KLF15: variants seen among roughly 807,000 people sequenced by gnomAD.
The protein encoded by KLF15 is KLF transcription factor 15.
A neutral mutation model predicts 24.6 loss-of-function variants in KLF15; 4 were observed. That is an observed-to-expected ratio of 0.16 (90% CI 0.08 to 0.37). The LOEUF is 0.37. Ranked by LOEUF, KLF15 falls within the 10% of genes least tolerant of loss-of-function variation. KLF15 has a pLI of 1.00. For missense variants in KLF15, 496 were observed against 560.6 expected (o/e 0.88, Z 1.16); for synonymous variants, 246 against 236.3 (o/e 1.04, Z -0.37).
the KLF15 span, among the ~76,000 whole-genome samples, chr3:126,327,478 A>G: frequency 3.3e-5 from 5 of 152,140 alleles, no homozygotes; most frequent in Non-Finnish European, 4.4e-5. Context: ...TAGTCTAGGC[A>G]AGAGATCATG....
At position 126,352,040 on chromosome 3, in the gene KLF15, G is replaced by T. The variant is rs749757320; in HGVS notation, c.883C>A (p.Pro295Thr). 21 of 1,531,198 alleles carry T rather than the reference G, an allele frequency of 1.4e-5. No individual in the cohort carries two copies. In the South Asian group the frequency reaches 2.5e-4, roughly 18 times the overall value. 94.9% of individuals were successfully genotyped at this position (1,531,198 alleles called of 1,614,324 possible). ...PIAAKPVGSGPLGPGPAGLLM... is the reference protein window; with the variant it reads ...PIAAKPVGSGTLGPGPAGLLM... ...AGACCGGCAGGGCCAGGCCCCAGGG[G>T]TCCCGATCCAACAGGCTTGGCGGCA... The change falls in exon 2 of 3, where the codon CCC becomes ACC. Residue 295 changes from proline (P) to threonine (T), a missense_variant. Physicochemically the swap from Pro to Thr is conservative, Grantham distance 38. Transcript: ENST00000296233.
At chr3:126,324,780 T>C in the KLF15 span, among the ~76,000 whole-genome samples, 6 of 139,394 alleles carry the variant, frequency 4.3e-5, no homozygotes, top group African/African-American at 1.6e-4. Context: ...TTGATCTTTT[T>C]GCTTTTAATT....
At chr3:126,349,793 C>T (rs550923524) in intron 2 of KLF15, among the ~76,000 whole-genome samples, 29 of 152,296 alleles carry the variant, frequency 1.9e-4, no homozygotes, top group South Asian at 1.7e-3. Flanking sequence ...GGGAGGTTTC[C>T]CTGCCTCTCT....
intron 2 of KLF15, among the ~76,000 whole-genome samples, chr3:126,350,563 C>T (rs1031261509): frequency 6.6e-6 from 1 of 152,250 alleles, no homozygotes; most frequent in African/African-American, 2.4e-5. Flanking sequence ...TGGCCAGAAC[C>T]TCTGCCCCAG....
At chr3:126,315,077 A>G in the KLF15 span, among the ~76,000 whole-genome samples, 2 of 151,642 alleles carry the variant, frequency 1.3e-5, no homozygotes, top group African/African-American at 4.8e-5. Flanking sequence ...TTTGCTGCCA[A>G]TCTTTGGAGT....
the KLF15 span, among the ~76,000 whole-genome samples, chr3:126,303,703 A>C: frequency 0.42 from 63,807 of 150,792 alleles, 13,719 homozygotes; most frequent in African/African-American, 0.47. Flanking sequence ...TTTTTTGGCC[A>C]TTGTTTCTTT....
chr3:126,296,583 G>A, the KLF15 span, among the ~76,000 whole-genome samples: 2 of 152,256 alleles, frequency 1.3e-5, no homozygotes, highest in African/African-American at 4.8e-5. Context: ...GAGGCCTGCA[G>A]CCTAGGGATT....
the KLF15 span, among the ~76,000 whole-genome samples, chr3:126,310,989 G>C: frequency 4.6e-5 from 7 of 152,108 alleles, no homozygotes; most frequent in African/African-American, 1.4e-4. Flanking sequence ...GCCCACTCTG[G>C]AGGCTGGTTT....
rs546577185 is a variant in KLF15, at chr3:126,350,931, G to A, written c.1082+910C>T. ...GCCAACAGCACACAGCGCCCCCCAG[G>A]CAGGCCAGAGATTCCTTTGGGATGG... On this transcript the variant is annotated intron_variant, in intron 2 of 2. Transcript: ENST00000296233. Among the ~76,000 whole-genome samples the A allele has an allele frequency of 1.3e-3, 193 of 152,352 alleles. 1 individual carries two copies. Among genetic ancestry groups the A allele is most frequent in the Non-Finnish European group, 2.4e-3 (162 of 68,032 alleles).
At chr3:126,308,321 G>T in the KLF15 span, among the ~76,000 whole-genome samples, 1 of 152,184 alleles carries the variant, frequency 6.6e-6, no homozygotes, top group Non-Finnish European at 1.5e-5. Flanking sequence ...CCCAAGATGG[G>T]GAGGCAGGGC....
the KLF15 span, among the ~76,000 whole-genome samples, chr3:126,332,300 A>G: frequency 6.7e-6 from 1 of 148,594 alleles, no homozygotes; most frequent in Non-Finnish European, 1.5e-5. Flanking sequence ...GGCACCCCCC[A>G]GCAGGGGCAC....
At chr3:126,331,977 G>A in the KLF15 span, among the ~76,000 whole-genome samples, 26 of 152,310 alleles carry the variant, frequency 1.7e-4, no homozygotes, top group South Asian at 3.3e-3. Flanking sequence ...ACTGCAAGGC[G>A]CCAGCGAGGC....
chr3:126,348,952 A>G (rs1040170881), intron 2 of KLF15, among the ~76,000 whole-genome samples: 1 of 152,176 alleles, frequency 6.6e-6, no homozygotes, highest in Non-Finnish European at 1.5e-5. Flanking sequence ...AACTTAGAAT[A>G]GTGCCCAGCA....
chr3:126,337,837 A>G (rs2107547039), downstream of KLF15, among the ~76,000 whole-genome samples: 1 of 152,296 alleles, frequency 6.6e-6, no homozygotes, highest in Middle Eastern at 3.4e-3. Context: ...CTGGCTCTAA[A>G]TTCTTCTGTT....
At chr3:126,310,042 G>A in the KLF15 span, among the ~76,000 whole-genome samples, 28 of 152,366 alleles carry the variant, frequency 1.8e-4, no homozygotes, top group African/African-American at 6.3e-4. Flanking sequence ...CCAAGGCACC[G>A]GCATTTGGCC....
the KLF15 span, among the ~76,000 whole-genome samples, chr3:126,313,795 T>C: frequency 6.6e-6 from 1 of 152,252 alleles, no homozygotes; most frequent in East Asian, 1.9e-4. Flanking sequence ...CTCTCACTCC[T>C]GTGGTCTGAC....
At chr3:126,349,205 C>T (rs1013472309) in intron 2 of KLF15, among the ~76,000 whole-genome samples, 1 of 152,180 alleles carries the variant, frequency 6.6e-6, no homozygotes, top group Non-Finnish European at 1.5e-5. Flanking sequence ...CTCAGAAAAG[C>T]AGCCCTCCCT....
At chr3:126,300,899 G>T in the KLF15 span, among the ~76,000 whole-genome samples, 2 of 152,164 alleles carry the variant, frequency 1.3e-5, no homozygotes, top group Non-Finnish European at 2.9e-5. Context: ...TGAACGTCAG[G>T]CCAGGGCAAG....
the KLF15 span, among the ~76,000 whole-genome samples, chr3:126,327,101 C>T: frequency 1.3e-5 from 2 of 152,144 alleles, no homozygotes; most frequent in African/African-American, 2.4e-5. Flanking sequence ...CTTGCCGGTC[C>T]TAGGACATCG....
Sources: allele counts gnomAD v4.1 joint callset (sites outside exome capture counted in the v4.1 genomes callset), GRCh38; gene constraint gnomAD v4.1.1; transcripts MANE v1.5; gene names NCBI Gene and HGNC (gene_info 2026-07-23, HGNC 2026-07-21).